PALM2AKAP2: variants seen among roughly 807,000 people sequenced by gnomAD.
PALM2AKAP2 encodes PALM2 and AKAP2 fusion, also known as PALM2-AKAP2 fusion protein.
In PALM2AKAP2, 37 loss-of-function variants were observed where a neutral mutation model predicts 71.5. The ratio of observed to expected loss-of-function variants is 0.52; its 90% CI spans 0.40 to 0.68. PALM2AKAP2 has a LOEUF of 0.68. Ranked by LOEUF, PALM2AKAP2 falls within the 30% of genes least tolerant of loss-of-function variation. The pLI is 0.00. For missense variants in PALM2AKAP2, 1,224 were observed against 1,191.8 expected (o/e 1.03, Z -0.40); for synonymous variants, 468 against 478.8 (o/e 0.98, Z 0.29).
At chr9:110,043,767 C>A (rs1170690201), upstream of PALM2AKAP2, among the ~76,000 whole-genome samples, 1 of 130,110 alleles carries the variant, frequency 7.7e-6, no homozygotes, top group Non-Finnish European at 1.6e-5. Context: ...TGTCACCCTG[C>A]TGGAGTGCAG....
At chr9:110,078,259 G>A (rs1316552737) in intron 1 of PALM2AKAP2, among the ~76,000 whole-genome samples, 1 of 152,134 alleles carries the variant, frequency 6.6e-6, no homozygotes, top group Non-Finnish European at 1.5e-5. Context: ...GGGGGCACAT[G>A]CATTTCATTA....
chr9:109,904,142 C>T (rs927489546), intron 3 of PALM2AKAP2, among the ~76,000 whole-genome samples: 2 of 152,122 alleles, frequency 1.3e-5, no homozygotes, highest in African/African-American at 4.8e-5. Context: ...TCCATGGAGG[C>T]GGGCAGTGTT....
rs563676494 is a variant in PALM2AKAP2, at chr9:110,168,681, C to T, written c.*184C>T. The stretch of plus-strand genomic sequence containing the variant: ...ACGAAAAGGAAGTCCCCCCATCAGA[C>T]TCTGGACACCCAGGAATCAAAAGAG... On this transcript the variant is annotated 3_prime_UTR_variant, in exon 4 of 4. Coordinates refer to ENST00000374525, the Ensembl canonical transcript of PALM2AKAP2. The T allele has an allele frequency of 2.5e-4, 175 of 695,744 alleles. No homozygotes were observed. In the African/African-American group the frequency reaches 2.9e-3, roughly 12 times the overall value. The allele number at this position is 695,744 out of a possible 1,614,324, so 43.1% of individuals were successfully genotyped here.
At chr9:109,708,319 T>C (rs1490496016) in intron 1 of PALM2AKAP2, among the ~76,000 whole-genome samples, 1 of 152,138 alleles carries the variant, frequency 6.6e-6, no homozygotes, top group Non-Finnish European at 1.5e-5. Flanking sequence ...CAACTTACTA[T>C]AGACAGCAGG....
chr9:109,878,375 A>C (rs137944171), intron 2 of PALM2AKAP2, among the ~76,000 whole-genome samples: 1 of 152,296 alleles, frequency 6.6e-6, no homozygotes. Flanking sequence ...AATCACTGTA[A>C]GAGTATAGTT....
At chr9:109,869,240 G>A (rs1829539031) in intron 2 of PALM2AKAP2, among the ~76,000 whole-genome samples, 1 of 152,034 alleles carries the variant, frequency 6.6e-6, no homozygotes, top group South Asian at 2.1e-4. Context: ...CATGATCCTG[G>A]GTGCCAAATA....
intron 1 of PALM2AKAP2, among the ~76,000 whole-genome samples, chr9:110,055,137 C>T (rs1426598250): frequency 1.3e-5 from 2 of 151,128 alleles, no homozygotes; most frequent in African/African-American, 2.4e-5. Context: ...GACAATGGAC[C>T]GCAATTTTCA....
At chr9:109,932,092 TTAA>T (rs1831117454) in intron 6 of PALM2AKAP2, 64 bp downstream of exon 6, 17 of 1,494,164 alleles carry the variant, frequency 1.1e-5, no homozygotes, top group Non-Finnish European at 1.5e-5. Flanking sequence ...CTGAGCTTTA[TTAA>T]TGAGATGAGT....
chr9:110,124,736 C>T (rs1835558628), intron 1 of PALM2AKAP2, among the ~76,000 whole-genome samples: 1 of 152,148 alleles, frequency 6.6e-6, no homozygotes, highest in South Asian at 2.1e-4. Context: ...GCCACTTCCT[C>T]CAGATATTCC....
intron 6 of PALM2AKAP2, among the ~76,000 whole-genome samples, chr9:109,960,048 C>G (rs1351376493): frequency 6.6e-6 from 1 of 152,172 alleles, no homozygotes; most frequent in Non-Finnish European, 1.5e-5. Context: ...CTCCATCACC[C>G]CCCTCCGCGA....
Position 110,135,378 on chromosome 9 carries a change from G to A in PALM2AKAP2, c.157-749G>A, listed in dbSNP as rs75428610. 2.9e-3 allele frequency among the ~76,000 whole-genome samples: 263 copies of A among 91,280 alleles called. 9 individuals are homozygous for A. In the East Asian group the frequency reaches 0.054, roughly 19 times the overall value. 59.9% of individuals were successfully genotyped at this position (91,280 alleles called of 152,430 possible). A position where few individuals can be genotyped will look rare whatever the true frequency, so the allele number is the denominator to read the frequency against. On this transcript the variant is annotated intron_variant, in intron 1 of 3. Transcript: ENST00000374525. ...AAAAAAAAAAAAAAAAGAAAAATATGATGGGTTTTAAAACATTAAGAAGAT... is the reference window on the plus strand; with the variant it reads ...AAAAAAAAAAAAAAAAGAAAAATATAATGGGTTTTAAAACATTAAGAAGAT...
chr9:109,859,078 T>C (rs980944814), intron 1 of PALM2AKAP2, among the ~76,000 whole-genome samples: 7 of 152,216 alleles, frequency 4.6e-5, no homozygotes, highest in African/African-American at 1.7e-4. Context: ...AAATTAATGA[T>C]AATATTGCAT....
chr9:109,787,458 ATGT>A (rs1827000829), intron 1 of PALM2AKAP2, among the ~76,000 whole-genome samples: 1 of 152,218 alleles, frequency 6.6e-6, no homozygotes, highest in Admixed American at 6.5e-5. Flanking sequence ...AATCAGATAA[ATGT>A]TGTAACTCCT....
chr9:109,832,957 C>T (rs1828347578), intron 1 of PALM2AKAP2, among the ~76,000 whole-genome samples: 1 of 152,224 alleles, frequency 6.6e-6, no homozygotes, highest in Non-Finnish European at 1.5e-5. Flanking sequence ...TTCGTCCCTG[C>T]AGCACCTTCT....
intron 2 of PALM2AKAP2, among the ~76,000 whole-genome samples, chr9:110,147,115 G>A (rs910551615): frequency 3.9e-5 from 6 of 152,190 alleles, no homozygotes; most frequent in African/African-American, 1.4e-4. Context: ...GCCAGGCGTG[G>A]TGTCACATGC....
intron 6 of PALM2AKAP2, among the ~76,000 whole-genome samples, chr9:109,983,729 A>G (rs912610439): frequency 1.3e-5 from 2 of 151,930 alleles, no homozygotes; most frequent in Admixed American, 1.3e-4. Context: ...GCCAGGCATG[A>G]TGGCACATGC....
rs760682827 is a variant in PALM2AKAP2 at position 109,932,123 on chromosome 9, T to C, written c.496+95T>C. The C allele has an allele frequency of 9.3e-6, 12 of 1,283,728 alleles. 1 individual carries two copies. The highest frequency in any genetic ancestry group is 1.2e-5 in the Non-Finnish European group (12 of 963,062). 79.5% of individuals were successfully genotyped at this position (1,283,728 alleles called of 1,614,324 possible). On this transcript the variant is annotated intron_variant, in intron 6 of 9. Transcript: ENST00000302798. ...AGATGAGTGCCCTGCTATCCTTACA[T>C]AGGGGGAGCTCACCTTCAGCCCAGC...
rs150767444 is a variant in PALM2AKAP2, at chr9:110,137,507, C to T, written c.1537C>T (p.Arg513Cys). 4.2e-5 allele frequency: 67 copies of T among 1,614,164 alleles called. No individual in the cohort carries two copies. Among genetic ancestry groups the T allele is most frequent in the South Asian group, 8.8e-5 (8 of 91,076 alleles). Reference sequence around the variant, plus strand: ...AGGGCCCTACAGCGAGCCTTCTAAACGTGGGCCCTTATCTAAACTGTGGGC... The same window carrying T: ...AGGGCCCTACAGCGAGCCTTCTAAATGTGGGCCCTTATCTAAACTGTGGGC... Residue 513 changes from arginine to cysteine, a missense_variant, in exon 2 of 4, where the codon CGT becomes TGT. Physicochemically the swap from Arg to Cys is radical, Grantham distance 180. Transcript: ENST00000374525.
intron 2 of PALM2AKAP2, among the ~76,000 whole-genome samples, chr9:110,145,338 A>G (rs1181797166): frequency 5.3e-5 from 8 of 152,230 alleles, no homozygotes; most frequent in African/African-American, 1.9e-4. Flanking sequence ...CTTAGTCCAC[A>G]TCAGCCATCT....
Sources: gnomAD v4.1 joint callset for allele counts (sites outside exome capture counted in the v4.1 genomes callset) on GRCh38, gnomAD v4.1.1 for gene constraint, MANE v1.5 for transcripts, NCBI Gene and HGNC (gene_info 2026-07-23, HGNC 2026-07-21) for gene names.